The following FBXO42 variants were observed in gnomAD, a reference collection of about 807,000 sequenced individuals.
The protein encoded by FBXO42 is F-box only protein 42.
FBXO42 carries 12 observed loss-of-function variants against 71.7 expected under a neutral mutation model. The observed-to-expected ratio is 0.17, with a 90% CI of 0.11 to 0.27. FBXO42 has a LOEUF of 0.27. FBXO42 is among the 10% of genes least tolerant of loss of function. The pLI is 1.00. For missense variants in FBXO42, 707 were observed against 911.9 expected, an observed-to-expected ratio of 0.78 and a Z score of 2.89; for synonymous variants, 325 against 327.5, an observed-to-expected ratio of 0.99 and a Z score of 0.08.
chr1:16,266,119 A>G (rs2081769295), intron 4 of FBXO42, among the ~76,000 whole-genome samples: 1 of 152,178 alleles, frequency 6.6e-6, no homozygotes, highest in Admixed American at 6.5e-5. Context: ...TTGAAAGAAA[A>G]AGTCAGAACC....
At chr1:16,321,032 C>T (rs1375432931) in intron 1 of FBXO42, among the ~76,000 whole-genome samples, 2 of 152,138 alleles carry the variant, frequency 1.3e-5, no homozygotes, top group Non-Finnish European at 2.9e-5. Context: ...TACTATTTTT[C>T]CCAATCAGAA....
chr1:16,287,350 A>C (rs1275663298), intron 4 of FBXO42, among the ~76,000 whole-genome samples: 3 of 152,146 alleles, frequency 2.0e-5, no homozygotes, highest in African/African-American at 7.2e-5. Context: ...TCCTAGCCAT[A>C]CTGTAGTTTC....
chr1:16,292,124 A>G (rs1485710018), intron 4 of FBXO42, among the ~76,000 whole-genome samples: 1 of 152,250 alleles, frequency 6.6e-6, no homozygotes, highest in Admixed American at 6.5e-5. Context: ...TTAAACATTC[A>G]GGAGTTTGTA....
intron 1 of FBXO42, among the ~76,000 whole-genome samples, chr1:16,334,042 G>A (rs1375912689): frequency 6.6e-6 from 1 of 152,170 alleles, no homozygotes. Context: ...AATAAGTGAT[G>A]ACTGTGCAGA....
intron 1 of FBXO42, among the ~76,000 whole-genome samples, chr1:16,336,759 G>C (rs891069123): frequency 2.7e-5 from 4 of 149,560 alleles, no homozygotes; most frequent in African/African-American, 9.8e-5. Flanking sequence ...TAAGGCAGGT[G>C]AATCACCTAA....
chr1:16,315,248 A>G lies in FBXO42; in HGVS notation c.171T>C (p.Tyr57=), dbSNP rs1257674340. The change falls in exon 2 of 10, where the codon TAT becomes TAC. Residue 57 remains tyrosine, a synonymous_variant. Coordinates refer to ENST00000375592, the MANE Select transcript of FBXO42 (RefSeq NM_018994.3). ...GATACGGTGAGAGAAAGGACAGGAT[A>G]TACTCCAAAACCTCTTCTGGCAGCT... is the stretch of plus-strand genomic sequence containing the variant. The part of the protein sequence containing the change: ...MSELPEEVLE[Y]ILSFLSPYQE... The G allele has an allele frequency of 6.2e-7, 1 of 1,614,052 alleles. No homozygotes were observed. The highest frequency in any genetic ancestry group is 1.3e-5 in the African/African-American group (1 of 74,914).
intron 4 of FBXO42, among the ~76,000 whole-genome samples, chr1:16,279,786 C>A (rs2081941142): frequency 6.6e-6 from 1 of 151,176 alleles, no homozygotes; most frequent in East Asian, 1.9e-4. Context: ...CAAATGTATA[C>A]TATTTCAACC....
At position 16,308,692 on chromosome 1, in the gene FBXO42, A is replaced by G. The variant is rs142197327; in HGVS notation, c.251-2773T>C. ...TTCTGTTTTTTTGTTTGTTTGTTTC[A>G]TAGAGATGGAGGTTGACCATGTTCT... On this transcript the variant is annotated intron_variant, in intron 2 of 9. Transcript: ENST00000375592. Among the ~76,000 whole-genome samples the G allele has an allele frequency of 8.1e-3, 1,210 of 149,338 alleles. 11 individuals are homozygous for G. Among genetic ancestry groups the G allele is most frequent in the Non-Finnish European group, 0.012 (824 of 67,568 alleles).
chr1:16,269,789 T>C (rs1435208926), intron 4 of FBXO42, among the ~76,000 whole-genome samples: 2 of 152,064 alleles, frequency 1.3e-5, no homozygotes, highest in Non-Finnish European at 2.9e-5. Context: ...CCTCCCAAAG[T>C]GCTGGTATTA....
rs527475077 is a variant in FBXO42 at position 16,250,474 on chromosome 1, AAT to A, written c.*194_*195del. The A allele has an allele frequency of 5.7e-3, 949 of 166,740 alleles. No individual in the cohort carries two copies. The highest frequency in any genetic ancestry group is 0.011 in the Middle Eastern group (4 of 356). The allele number at this position is 166,740 out of a possible 1,614,324, so 10.3% of individuals were successfully genotyped here. On this transcript the variant is annotated 3_prime_UTR_variant, in exon 10 of 10. Coordinates refer to ENST00000375592, the MANE Select transcript of FBXO42 (RefSeq NM_018994.3). The surrounding 1 kb of genome is among the most constrained non-coding windows in gnomAD (Gnocchi z 4.7). ...TTTTTGTCAACAGAGTTGGCTATAT[AAT>A]ATATATATATATATTTATATATAAT... is the stretch of plus-strand genomic sequence containing the variant.
intron 1 of FBXO42, among the ~76,000 whole-genome samples, chr1:16,325,096 G>C (rs539392276): frequency 4.4e-4 from 67 of 152,124 alleles, no homozygotes; most frequent in Middle Eastern, 3.4e-3. Context: ...AAGTTAGCCA[G>C]GCATGGTAGT....
At chr1:16,283,240 A>C (rs1352514479) in intron 4 of FBXO42, among the ~76,000 whole-genome samples, 1 of 152,208 alleles carries the variant, frequency 6.6e-6, no homozygotes, top group Non-Finnish European at 1.5e-5. Flanking sequence ...AAGAACAGGC[A>C]TCTAGGTTAC....
chr1:16,343,269 C>T (rs1238043251), intron 1 of FBXO42, among the ~76,000 whole-genome samples: 4 of 152,136 alleles, frequency 2.6e-5, no homozygotes, highest in South Asian at 2.1e-4. Context: ...GCAGGCTAGG[C>T]GCAGTGGCTC....
chr1:16,340,359 C>T (rs976818082), intron 1 of FBXO42, among the ~76,000 whole-genome samples: 2 of 151,800 alleles, frequency 1.3e-5, no homozygotes, highest in Admixed American at 1.3e-4. Flanking sequence ...ACTCTTGTTG[C>T]CTAGGCTAGA....
chr1:16,308,740 G>GTTTTTTTTT (rs35488648), intron 2 of FBXO42, among the ~76,000 whole-genome samples: 2 of 80,652 alleles, frequency 2.5e-5, no homozygotes, highest in Non-Finnish European at 4.6e-5. Context: ...CCCCATCTCT[G>GTTTTTTTTT]TTTTTTTTTT....
rs1464189526 is a variant in FBXO42 at position 16,282,737 on chromosome 1, T to C, written c.502+12046A>G. Among the ~76,000 whole-genome samples the C allele has an allele frequency of 5.9e-5, 9 of 151,778 alleles. No homozygotes were observed. In the East Asian group the frequency reaches 1.8e-3, roughly 30 times the overall value. On this transcript the variant is annotated intron_variant, in intron 4 of 9. Transcript: ENST00000375592. ...GGCTCATGCCTGTAATCCCAGCACTTTGGGAGGCCAAGGCGGGCAGATCAC... is the reference window on the plus strand; with the variant it reads ...GGCTCATGCCTGTAATCCCAGCACTCTGGGAGGCCAAGGCGGGCAGATCAC...
chr1:16,250,273 CAAG>C lies in FBXO42; in HGVS notation c.*394_*396del, dbSNP rs1209433502. On this transcript the variant is annotated 3_prime_UTR_variant, in exon 10 of 10. Transcript: ENST00000375592. This position sits in a 1 kb window ranked among gnomAD's most constrained non-coding sequence, Gnocchi z 4.7. ...CATATGCCCTTTCATTTTTTAACTC[CAAG>C]AAGGCCACATAAAGATTTACAGGGG... 1 of 152,562 alleles carries C rather than the reference CAAG, an allele frequency of 6.6e-6. No individual in the cohort carries two copies. The highest frequency in any genetic ancestry group is 1.5e-5 in the Non-Finnish European group (1 of 68,068). 9.5% of individuals were successfully genotyped at this position (152,562 alleles called of 1,614,324 possible). A position where few individuals can be genotyped will look rare whatever the true frequency, so the allele number is the denominator to read the frequency against.
intron 1 of FBXO42, among the ~76,000 whole-genome samples, chr1:16,343,045 T>C (rs1428180804): frequency 6.6e-6 from 1 of 152,192 alleles, no homozygotes; most frequent in Non-Finnish European, 1.5e-5. Flanking sequence ...ATAAACCTCT[T>C]TTCTTTATAT....
At chr1:16,350,795 A>AAGAAAGAAAGAAAG in intron 1 of FBXO42, among the ~76,000 whole-genome samples, 1 of 151,376 alleles carries the variant, frequency 6.6e-6, no homozygotes, top group Non-Finnish European at 1.5e-5. Flanking sequence ...GAAAGAAAGA[A>AAGAAAGAAAGAAAG]AATGGTCAAA....
Sources: gnomAD v4.1 joint callset for allele counts (sites outside exome capture counted in the v4.1 genomes callset) on GRCh38, gnomAD v4.1.1 for gene constraint, Gnocchi (gnomAD v3.1) non-coding constraint, MANE v1.5 for transcripts, NCBI Gene and HGNC (gene_info 2026-07-23, HGNC 2026-07-21) for gene names.